The following CUX1 variants were observed in gnomAD, a reference collection of about 807,000 sequenced individuals.
CUX1 encodes the protein protein CASP.
A neutral mutation model predicts 158.8 loss-of-function variants in CUX1; 31 were observed. The ratio of observed to expected loss-of-function variants is 0.20; its 90% CI spans 0.15 to 0.26. CUX1 has a LOEUF of 0.26. Ranked by LOEUF, CUX1 falls within the 10% of genes least tolerant of loss-of-function variation. The pLI, the probability that CUX1 is intolerant of heterozygous loss-of-function variation, is 1.00. For synonymous variants in CUX1, 879 were observed against 862.1 expected (o/e 1.02, Z -0.34); for missense variants, 1,589 against 2,014.6 (o/e 0.79, Z 4.04).
intron 4 of CUX1, among the ~76,000 whole-genome samples, chr7:102,090,865 G>A (rs1228477060): frequency 2.0e-5 from 3 of 152,082 alleles, no homozygotes; most frequent in African/African-American, 4.8e-5. Context: ...TAATCCTCAC[G>A]GCAGCACCAT....
At chr7:102,097,812 A>G (rs1043016716) in intron 5 of CUX1, among the ~76,000 whole-genome samples, 3 of 152,246 alleles carry the variant, frequency 2.0e-5, no homozygotes, top group Non-Finnish European at 4.4e-5. Flanking sequence ...AGGCCCATGC[A>G]TTGCCTCCAG....
In CUX1 at chr7:101,877,499, C is replaced by G. The variant is rs964053826; in HGVS notation, c.31-38616C>G. 2.0e-4 allele frequency among the ~76,000 whole-genome samples: 31 copies of G among 152,142 alleles called. 1 individual carries two copies. The highest frequency in any genetic ancestry group is 7.3e-5 in the Non-Finnish European group (5 of 68,040). On this transcript the variant is annotated intron_variant, in intron 1 of 23. Transcript: ENST00000292535. ...GTCAGGAGTTTGAGATCAGCCTGGC[C>G]AACATGGCAAAACCCCGTCTCTACT...
intron 3 of CUX1, among the ~76,000 whole-genome samples, chr7:102,031,590 CAAAA>C (rs540254156): frequency 1.3e-3 from 197 of 152,034 alleles, no homozygotes; most frequent in African/African-American, 4.6e-3. Flanking sequence ...TTTGAACCCA[CAAAA>C]GAAAGGTAAT....
intron 7 of CUX1, 150 bp downstream of exon 7, chr7:102,111,924 C>A: frequency 1.6e-6 from 1 of 618,656 alleles, no homozygotes; most frequent in Non-Finnish European, 2.9e-6. Context: ...AATTCCGCAG[C>A]ACGCCCGCCA....
At chr7:102,192,932 T>C (rs1794435302) in intron 12 of CUX1, among the ~76,000 whole-genome samples, 1 of 152,200 alleles carries the variant, frequency 6.6e-6, no homozygotes. Flanking sequence ...CCTGGGGACC[T>C]GGACTCACTG....
At chr7:102,004,020 G>C (rs1163981805) in intron 2 of CUX1, among the ~76,000 whole-genome samples, 1 of 152,156 alleles carries the variant, frequency 6.6e-6, no homozygotes, top group Non-Finnish European at 1.5e-5. Flanking sequence ...AAGATGTTTA[G>C]TTGTTCTGAA....
At chr7:102,058,604 G>A (rs1029907052) in intron 3 of CUX1, among the ~76,000 whole-genome samples, 1 of 152,110 alleles carries the variant, frequency 6.6e-6, no homozygotes, top group African/African-American at 2.4e-5. Context: ...TCTTATGGTG[G>A]TCTGGAACCA....
At chr7:102,052,868 T>C (rs1368250091) in intron 3 of CUX1, among the ~76,000 whole-genome samples, 2 of 152,190 alleles carry the variant, frequency 1.3e-5, no homozygotes, top group South Asian at 2.1e-4. Flanking sequence ...AATGCGGTAG[T>C]GTGATCTCGG....
At chr7:102,159,715 G>A (rs1790226419) in intron 9 of CUX1, among the ~76,000 whole-genome samples, 1 of 151,842 alleles carries the variant, frequency 6.6e-6, no homozygotes, top group Non-Finnish European at 1.5e-5. Flanking sequence ...ACAAAATTTA[G>A]CAAGGCGTGG....
intron 2 of CUX1, among the ~76,000 whole-genome samples, chr7:102,005,868 C>T (rs1186447467): frequency 1.3e-5 from 2 of 152,190 alleles, no homozygotes; most frequent in Non-Finnish European, 2.9e-5. Context: ...GTAAGAGCAG[C>T]TCATTAGCAT....
chr7:102,054,930 C>T (rs1319677753), intron 3 of CUX1, among the ~76,000 whole-genome samples: 1 of 151,244 alleles, frequency 6.6e-6, no homozygotes, highest in Non-Finnish European at 1.5e-5. Flanking sequence ...GAGGTTGTGA[C>T]AGTGCACTCC....
chr7:102,014,271 C>T (rs964901020), intron 2 of CUX1, among the ~76,000 whole-genome samples: 16 of 152,166 alleles, frequency 1.1e-4, no homozygotes, highest in Non-Finnish European at 2.4e-4. Flanking sequence ...ATAAGGGGTA[C>T]TCGGTATGGC....
chr7:102,080,966 A>G (rs1214438955), intron 4 of CUX1, among the ~76,000 whole-genome samples: 2 of 152,120 alleles, frequency 1.3e-5, no homozygotes, highest in East Asian at 1.9e-4. Flanking sequence ...TTTCTGCCCA[A>G]TCTCTAACAC....
intron 1 of CUX1, among the ~76,000 whole-genome samples, chr7:101,875,610 T>C (rs906535336): frequency 1.3e-5 from 2 of 152,144 alleles, no homozygotes; most frequent in African/African-American, 2.4e-5. Flanking sequence ...GTGGTGTGTG[T>C]GTACCACTCG....
Position 102,169,091 on chromosome 7 carries a change from GC to G in CUX1, c.724-1352del, listed in dbSNP as rs527637385. Among the ~76,000 whole-genome samples, 203 of 152,072 alleles carry G rather than the reference GC, an allele frequency of 1.3e-3. 1 individual carries two copies. Among genetic ancestry groups the G allele is most frequent in the African/African-American group, 4.8e-3 (199 of 41,462 alleles). On this transcript the variant is annotated intron_variant, in intron 9 of 23. Transcript: ENST00000292535. ...TGGGATTACAGGCATGTGCCACCAT[GC>G]CCAGCTCATTTTGTGTTTTTAGTAG...
intron 1 of CUX1, among the ~76,000 whole-genome samples, chr7:101,894,710 C>G (rs528243283): frequency 6.6e-6 from 1 of 152,154 alleles, no homozygotes; most frequent in African/African-American, 2.4e-5. Context: ...CATAACAGCA[C>G]GCTTCAATTC....
intron 4 of CUX1, among the ~76,000 whole-genome samples, chr7:102,096,018 T>G (rs1221475415): frequency 6.6e-6 from 1 of 152,278 alleles, no homozygotes; most frequent in Non-Finnish European, 1.5e-5. Flanking sequence ...GAGTTTGTAC[T>G]GTAAATTCCA....
At chr7:102,224,315 T>C (rs1223912877) in intron 20 of CUX1, among the ~76,000 whole-genome samples, 1 of 152,148 alleles carries the variant, frequency 6.6e-6, no homozygotes, top group Non-Finnish European at 1.5e-5. Context: ...CAAGCCATTC[T>C]CCTGCCTCTG....
At chr7:102,038,702 T>C (rs1821721128) in intron 3 of CUX1, among the ~76,000 whole-genome samples, 1 of 152,120 alleles carries the variant, frequency 6.6e-6, no homozygotes, top group African/African-American at 2.4e-5. Context: ...CCTGTCATCC[T>C]AGTACTTTGG....
Sources: allele counts gnomAD v4.1 joint callset (sites outside exome capture counted in the v4.1 genomes callset), GRCh38; gene constraint gnomAD v4.1.1; transcripts MANE v1.5; gene names NCBI Gene and HGNC (gene_info 2026-07-23, HGNC 2026-07-21).